MSR1: variants seen among roughly 807,000 people sequenced by gnomAD.
MSR1 encodes the protein macrophage scavenger receptor types I and II.
Under a neutral mutation model 47.2 loss-of-function variants are expected in MSR1, and 53 were observed. That is an observed-to-expected ratio of 1.12 (90% confidence interval 0.90 to 1.41). The LOEUF is 1.41. Among genes scored for constraint, MSR1 ranks in the 40% most tolerant of loss-of-function variants. MSR1 has a pLI of 0.00. For missense variants in MSR1, 786 were observed against 546.9 expected (o/e 1.44, Z -4.36); for synonymous variants, 239 against 185.6 (o/e 1.29, Z -2.34).
chr8:16,156,188 A>T (rs1315783967), intron 5 of MSR1, among the ~76,000 whole-genome samples: 2 of 151,928 alleles, frequency 1.3e-5, no homozygotes, highest in East Asian at 3.9e-4. Flanking sequence ...TTCACCACAG[A>T]ATAAGGAAAT....
At chr8:16,190,132 A>G (rs1268051636) in intron 1 of MSR1, among the ~76,000 whole-genome samples, 1 of 152,006 alleles carries the variant, frequency 6.6e-6, no homozygotes, top group Admixed American at 6.6e-5. Flanking sequence ...TCCTGACCTC[A>G]GGTGATCCAC....
At chr8:16,191,128 G>A (rs761159823) in intron 1 of MSR1, among the ~76,000 whole-genome samples, 7 of 152,128 alleles carry the variant, frequency 4.6e-5, no homozygotes, top group Non-Finnish European at 8.8e-5. Context: ...AACAGCAGTT[G>A]AATGTGTATA....
intron 8 of MSR1, among the ~76,000 whole-genome samples, chr8:16,132,187 T>A (rs1026648910): frequency 6.6e-6 from 1 of 152,100 alleles, no homozygotes; most frequent in Non-Finnish European, 1.5e-5. Flanking sequence ...GTAGTTCTCC[T>A]TGTAGAAGTC....
intron 8 of MSR1, chr8:16,139,699 T>C: frequency 4.1e-6 from 4 of 966,328 alleles, no homozygotes; most frequent in Non-Finnish European, 4.9e-6. Context: ...TTATTTTTGG[T>C]TTAAATGGGT....
intron 1 of MSR1, among the ~76,000 whole-genome samples, chr8:16,181,842 A>G (rs187206688): frequency 1.1e-3 from 160 of 152,276 alleles, no homozygotes; most frequent in African/African-American, 3.8e-3. Context: ...GTTTAAGGCA[A>G]TTGGAACTAT....
At chr8:16,185,041 A>G (rs1801954808) in intron 1 of MSR1, among the ~76,000 whole-genome samples, 1 of 152,086 alleles carries the variant, frequency 6.6e-6, no homozygotes, top group African/African-American at 2.4e-5. Context: ...GGAATGAACA[A>G]TATTCCCTAT....
In MSR1 at chr8:16,112,942, AG is replaced by A. The variant is rs1431934977; in HGVS notation, c.1223-2725del. 2.0e-4 allele frequency among the ~76,000 whole-genome samples: 24 copies of A among 117,792 alleles called. 1 individual carries two copies. The highest frequency in any genetic ancestry group is 4.2e-4 in the African/African-American group (14 of 33,168). The allele number at this position is 117,792 out of a possible 152,430, so 77.3% of individuals were successfully genotyped here. On this transcript the variant is annotated intron_variant, in intron 9 of 9. Coordinates refer to ENST00000262101, the MANE Select transcript of MSR1 (RefSeq NM_138715.3). ...TGATATTGATTATATATTTTTTTTA[AG>A]TTTTTTTTTTTTTTTTTTTTTGAGA...
chr8:16,120,834 G>T, intron 8 of MSR1: 1 of 571,660 alleles, frequency 1.7e-6, no homozygotes. Context: ...AATCCAATCT[G>T]TCTTACATGT....
At chr8:16,141,349 T>C (rs1486109918) in intron 8 of MSR1, among the ~76,000 whole-genome samples, 1 of 152,154 alleles carries the variant, frequency 6.6e-6, no homozygotes, top group Non-Finnish European at 1.5e-5. Context: ...AATGTAGCAT[T>C]GTTTATTAAA....
intron 1 of MSR1, among the ~76,000 whole-genome samples, chr8:16,187,032 C>T: frequency 6.6e-6 from 1 of 151,988 alleles, no homozygotes; most frequent in Admixed American, 6.6e-5. Flanking sequence ...CACTCCCATG[C>T]TCAAAGCCCC....
At chr8:16,187,708 G>C (rs991108467) in intron 1 of MSR1, among the ~76,000 whole-genome samples, 2 of 152,014 alleles carry the variant, frequency 1.3e-5, no homozygotes, top group African/African-American at 4.8e-5. Context: ...TTATATCTTA[G>C]GTTATGCCTC....
At chr8:16,131,954 G>A (rs1435963635) in intron 8 of MSR1, among the ~76,000 whole-genome samples, 1 of 150,328 alleles carries the variant, frequency 6.7e-6, no homozygotes, top group East Asian at 1.9e-4. Context: ...AATTGGCTTG[G>A]CTCTTTGGGC....
chr8:16,190,372 G>T (rs2116954938), intron 1 of MSR1, among the ~76,000 whole-genome samples: 1 of 152,042 alleles, frequency 6.6e-6, no homozygotes, highest in East Asian at 1.9e-4. Flanking sequence ...TGTGAATATG[G>T]CAGTTTCAAG....
intron 1 of MSR1, among the ~76,000 whole-genome samples, chr8:16,189,422 A>G (rs1802109476): frequency 1.2e-5 from 1 of 85,838 alleles, no homozygotes; most frequent in Non-Finnish European, 1.9e-5. Context: ...TATTTTATAT[A>G]TATAAAATCA....
intron 1 of MSR1, among the ~76,000 whole-genome samples, chr8:16,187,526 G>C (rs1200425530): frequency 6.6e-6 from 1 of 151,862 alleles, no homozygotes; most frequent in South Asian, 2.1e-4. Context: ...TTCCTTATTT[G>C]TCTTGTCTAT....
intron 8 of MSR1, among the ~76,000 whole-genome samples, chr8:16,142,481 A>T (rs934930671): frequency 6.6e-6 from 1 of 152,196 alleles, no homozygotes; most frequent in Non-Finnish European, 1.5e-5. Flanking sequence ...AAGTAACACT[A>T]AAGTACTCCG....
chr8:16,111,437 A>C (rs78016136), intron 9 of MSR1, among the ~76,000 whole-genome samples: 13,842 of 152,144 alleles, frequency 0.091, 828 homozygotes, highest in African/African-American at 0.16. Flanking sequence ...GATGCTTTCG[A>C]ATTGTATTTT....
At chr8:16,156,139 AC>A (rs1800999471) in intron 5 of MSR1, among the ~76,000 whole-genome samples, 1 of 151,910 alleles carries the variant, frequency 6.6e-6, no homozygotes. Flanking sequence ...CCTTTTCAAC[AC>A]CAGAAGAAAG....
At chr8:16,189,978 G>T (rs1392581628) in intron 1 of MSR1, among the ~76,000 whole-genome samples, 4 of 137,528 alleles carry the variant, frequency 2.9e-5, no homozygotes, top group Non-Finnish European at 6.1e-5. Flanking sequence ...GTAATGGTGT[G>T]ATCTCAGCTG....
Sources: allele counts gnomAD v4.1 joint callset (sites outside exome capture counted in the v4.1 genomes callset), GRCh38; gene constraint gnomAD v4.1.1; transcripts MANE v1.5; gene names NCBI Gene and HGNC (gene_info 2026-07-23, HGNC 2026-07-21).